SLC1A2: variants seen among roughly 807,000 people sequenced by gnomAD.
SLC1A2 encodes excitatory amino acid transporter 2.
In SLC1A2, 15 loss-of-function variants were observed where a neutral mutation model predicts 48.8. The ratio of observed to expected loss-of-function variants is 0.31; its 90% CI spans 0.21 to 0.47. The LOEUF is 0.47. Ranked by LOEUF, SLC1A2 falls within the 20% of genes least tolerant of loss-of-function variation. The probability of loss-of-function intolerance (pLI) is 0.99; values close to 1 mark genes in which losing one functional copy is unlikely to be tolerated. For missense variants in SLC1A2, 502 were observed against 730.5 expected (o/e 0.69, Z 3.61); for synonymous variants, 279 against 272.6 (o/e 1.02, Z -0.23).
At chr11:35,407,271 C>T (rs537359403) in intron 1 of SLC1A2, among the ~76,000 whole-genome samples, 165 of 152,284 alleles carry the variant, frequency 1.1e-3, no homozygotes, top group Non-Finnish European at 2.0e-3. Flanking sequence ...CTGAGTAGTG[C>T]TCCCCTATAC....
chr11:35,363,366 G>T (rs940915539), intron 1 of SLC1A2, among the ~76,000 whole-genome samples: 1 of 152,142 alleles, frequency 6.6e-6, no homozygotes, highest in African/African-American at 2.4e-5. Flanking sequence ...AGGGCGGATG[G>T]CTTGGAGCTT....
rs1015129077 is a variant in SLC1A2 at position 35,419,169 on chromosome 11, G to C, written c.-203C>G. On this transcript the variant is annotated 5_prime_UTR_variant, in exon 1 of 11. Coordinates refer to ENST00000278379, the MANE Select transcript of SLC1A2 (RefSeq NM_004171.4). The surrounding 1 kb of genome is among the most constrained non-coding windows in gnomAD (Gnocchi z 5.4). ...CCTGCGGGCGCTAATCCGCGTCCCG[G>C]CTCTCCACGGCGCGCGACCCGCGCT... 4 of 465,714 alleles carry C rather than the reference G, an allele frequency of 8.6e-6. No homozygotes were observed. Among genetic ancestry groups the C allele is most frequent in the Non-Finnish European group, 1.5e-5 (4 of 263,922 alleles). The allele number at this position is 465,714 out of a possible 1,614,324, so 28.8% of individuals were successfully genotyped here. A position where few individuals can be genotyped will look rare whatever the true frequency, so the allele number is the denominator to read the frequency against.
At chr11:35,290,725 T>TC (rs199830612) in intron 7 of SLC1A2, among the ~76,000 whole-genome samples, 1,699 of 101,224 alleles carry the variant, frequency 0.017, 36 homozygotes, top group African/African-American at 0.045. Context: ...GTTTTTTTTT[T>TC]TTTCTCTTTT....
At chr11:35,410,159 A>AT (rs35893832) in intron 1 of SLC1A2, among the ~76,000 whole-genome samples, 121,586 of 152,138 alleles carry the variant, frequency 0.8, 48,975 homozygotes, top group African/African-American at 0.91. Flanking sequence ...TTTCTAACAA[A>AT]AAAAATAGTA....
chr11:35,385,298 T>C (rs760337612), intron 1 of SLC1A2, among the ~76,000 whole-genome samples: 5 of 152,216 alleles, frequency 3.3e-5, no homozygotes, highest in African/African-American at 4.8e-5. Context: ...TGATAATCTA[T>C]GACAAGCACA....
intron 1 of SLC1A2, among the ~76,000 whole-genome samples, chr11:35,407,449 A>AGGG (rs1855332809): frequency 6.6e-6 from 1 of 152,240 alleles, no homozygotes; most frequent in African/African-American, 2.4e-5. Flanking sequence ...GAACAGGCTT[A>AGGG]TAGCACACCT....
chr11:35,383,596 G>A (rs545333757), intron 1 of SLC1A2, among the ~76,000 whole-genome samples: 1 of 152,204 alleles, frequency 6.6e-6, no homozygotes. Context: ...AACAGGGATG[G>A]TAAGAATAGT....
chr11:35,386,927 T>C (rs974123613), intron 1 of SLC1A2, among the ~76,000 whole-genome samples: 1 of 151,530 alleles, frequency 6.6e-6, no homozygotes, highest in African/African-American at 2.5e-5. Flanking sequence ...AATTTACATC[T>C]TTTTTCCCCC....
intron 9 of SLC1A2, among the ~76,000 whole-genome samples, chr11:35,279,721 T>C (rs149571797): frequency 1.3e-5 from 2 of 152,354 alleles, no homozygotes; most frequent in African/African-American, 4.8e-5. Context: ...CATTTCTAAG[T>C]CTCTTTACCT....
intron 10 of SLC1A2, 46 bp from the exon 11 acceptor site, chr11:35,261,011 G>GA (rs759293157): frequency 5.3e-5 from 75 of 1,427,116 alleles, no homozygotes; most frequent in African/African-American, 5.6e-5. Flanking sequence ...CCACGAACCA[G>GA]AAAAAAGCCC....
intron 1 of SLC1A2, among the ~76,000 whole-genome samples, chr11:35,340,178 T>C (rs1053071534): frequency 6.6e-6 from 1 of 152,258 alleles, no homozygotes; most frequent in Admixed American, 6.5e-5. Flanking sequence ...CAGGAAAAGA[T>C]GTTACATGAG....
chr11:35,287,725 C>A lies in SLC1A2; in HGVS notation c.1092-774G>T, dbSNP rs115503516. On this transcript the variant is annotated intron_variant, in intron 7 of 10. Transcript: ENST00000278379. Reference sequence around the variant, plus strand: ...AAGCCTCGAAGGCCAGAATTCCTGACACGTTCATATGTCTTCAAAATTGGA... The same window carrying A: ...AAGCCTCGAAGGCCAGAATTCCTGAAACGTTCATATGTCTTCAAAATTGGA... 4.0e-3 allele frequency among the ~76,000 whole-genome samples: 609 copies of A among 152,320 alleles called. 4 individuals are homozygous for A. Among genetic ancestry groups the A allele is most frequent in the African/African-American group, 0.014 (579 of 41,572 alleles).
intron 1 of SLC1A2, among the ~76,000 whole-genome samples, chr11:35,350,441 C>A (rs1853209256): frequency 6.6e-6 from 1 of 152,142 alleles, no homozygotes; most frequent in Non-Finnish European, 1.5e-5. Context: ...CCAAAAGGTA[C>A]AAATGTTTAC....
At chr11:35,381,147 T>C (rs2135203324) in intron 1 of SLC1A2, among the ~76,000 whole-genome samples, 1 of 152,252 alleles carries the variant, frequency 6.6e-6, no homozygotes, top group Admixed American at 6.5e-5. Flanking sequence ...CGGGCAGCTT[T>C]TTGGGCAGCC....
intron 1 of SLC1A2, among the ~76,000 whole-genome samples, chr11:35,366,751 C>G (rs1346293232): frequency 1.3e-5 from 2 of 152,176 alleles, no homozygotes; most frequent in Non-Finnish European, 2.9e-5. Context: ...CATGCCACTT[C>G]CAAGTAGAAG....
chr11:35,362,118 C>T (rs1204005445), intron 1 of SLC1A2, among the ~76,000 whole-genome samples: 1 of 152,194 alleles, frequency 6.6e-6, no homozygotes, highest in African/African-American at 2.4e-5. Flanking sequence ...TGGTGGAGAT[C>T]GGGCCAGGGG....
chr11:35,305,184 T>C (rs1336482155), intron 5 of SLC1A2, among the ~76,000 whole-genome samples: 3 of 152,174 alleles, frequency 2.0e-5, no homozygotes, highest in African/African-American at 7.2e-5. Context: ...GGGAGCAAAC[T>C]GGGCAGACTA....
At chr11:35,367,661 T>C (rs1590235122) in intron 1 of SLC1A2, among the ~76,000 whole-genome samples, 1 of 152,244 alleles carries the variant, frequency 6.6e-6, no homozygotes, top group East Asian at 1.9e-4. Context: ...ACGTTTATTA[T>C]GATCCACGTG....
intron 1 of SLC1A2, among the ~76,000 whole-genome samples, chr11:35,340,402 C>T (rs916040740): frequency 6.6e-6 from 1 of 152,208 alleles, no homozygotes; most frequent in Admixed American, 6.5e-5. Context: ...TCTGAGCTCC[C>T]TATCTGCTTT....
Sources: allele counts gnomAD v4.1 joint callset (sites outside exome capture counted in the v4.1 genomes callset), GRCh38; gene constraint gnomAD v4.1.1; non-coding constraint Gnocchi (gnomAD v3.1); transcripts MANE v1.5; gene names NCBI Gene and HGNC (gene_info 2026-07-23, HGNC 2026-07-21).